The following NOX4 variants were observed in gnomAD, a reference collection of about 807,000 sequenced individuals.
The protein encoded by NOX4 is kidney oxidase-1.
Under a neutral mutation model 87.6 loss-of-function variants are expected in NOX4, and 69 were observed. The ratio of observed to expected loss-of-function variants is 0.79; its 90% CI spans 0.65 to 0.96. NOX4 has a LOEUF of 0.96. Among genes scored for constraint, NOX4 ranks in the 40% least tolerant of loss-of-function variants. The probability of loss-of-function intolerance (pLI) is 0.00; values close to 1 mark genes in which losing one functional copy is unlikely to be tolerated. For synonymous variants in NOX4, 275 were observed against 238.2 expected, an observed-to-expected ratio of 1.15 and a Z score of -1.42; for missense variants, 680 against 681.5, an observed-to-expected ratio of 1.00 and a Z score of 0.02.
chr11:89,340,860 C>G (rs1945961082), intron 14 of NOX4, among the ~76,000 whole-genome samples: 1 of 152,022 alleles, frequency 6.6e-6, no homozygotes, highest in African/African-American at 2.4e-5. Flanking sequence ...AGAGCATGAT[C>G]ATTTTTGTAA....
At chr11:89,461,715 A>C (rs763251859) in intron 2 of NOX4, among the ~76,000 whole-genome samples, 3 of 152,050 alleles carry the variant, frequency 2.0e-5, no homozygotes, top group Non-Finnish European at 4.4e-5. Context: ...GCAGCAGAAG[A>C]AAGTGGAATG....
At chr11:89,351,415 T>C (rs1946451507) in intron 13 of NOX4, among the ~76,000 whole-genome samples, 1 of 152,196 alleles carries the variant, frequency 6.6e-6, no homozygotes, top group Non-Finnish European at 1.5e-5. Flanking sequence ...CCAGAAGATC[T>C]AGCTGACATA....
At chr11:89,545,023 T>C in the NOX4 span, 1 of 152,126 alleles carries the variant, frequency 6.6e-6, no homozygotes, top group Non-Finnish European at 1.5e-5. Context: ...CAAAGTCTCA[T>C]GAACTTTTAT....
At chr11:89,454,410 A>T (rs1040015788) in intron 2 of NOX4, among the ~76,000 whole-genome samples, 1 of 152,114 alleles carries the variant, frequency 6.6e-6, no homozygotes, top group Non-Finnish European at 1.5e-5. Flanking sequence ...AATTAGGTCC[A>T]CAAGAAATCC....
chr11:89,369,413 C>T (rs772824104), intron 12 of NOX4, among the ~76,000 whole-genome samples: 17 of 152,074 alleles, frequency 1.1e-4, no homozygotes, highest in Non-Finnish European at 2.4e-4. Flanking sequence ...TGGACCAAAA[C>T]ACAATCTCTA....
upstream of NOX4, among the ~76,000 whole-genome samples, chr11:89,494,607 C>T (rs1038860159): frequency 6.6e-6 from 1 of 152,170 alleles, no homozygotes; most frequent in Non-Finnish European, 1.5e-5. Flanking sequence ...TTAAGTATAT[C>T]ATCTTTCTTT....
intron 12 of NOX4, among the ~76,000 whole-genome samples, chr11:89,371,419 G>T (rs956210609): frequency 4.6e-5 from 7 of 151,852 alleles, no homozygotes; most frequent in Admixed American, 6.6e-5. Flanking sequence ...TAATAGAGAT[G>T]ATTAAAATAG....
intron 7 of NOX4, among the ~76,000 whole-genome samples, chr11:89,423,260 A>G (rs996146261): frequency 2.0e-5 from 3 of 152,190 alleles, no homozygotes; most frequent in African/African-American, 7.2e-5. Flanking sequence ...CCAAAAACTC[A>G]GACTAAATTT....
At chr11:89,410,105 T>A (rs1330029646) in intron 8 of NOX4, among the ~76,000 whole-genome samples, 1 of 151,994 alleles carries the variant, frequency 6.6e-6, no homozygotes. Flanking sequence ...TTTTCTTTTC[T>A]TTCAGATTTT....
the NOX4 span, among the ~76,000 whole-genome samples, chr11:89,586,588 C>T: frequency 6.6e-6 from 1 of 152,166 alleles, no homozygotes; most frequent in Non-Finnish European, 1.5e-5. Context: ...AAATGGACTA[C>T]TTCTTCAAGA....
chr11:89,525,913 TTCA>T, the NOX4 span, among the ~76,000 whole-genome samples: 5 of 152,140 alleles, frequency 3.3e-5, no homozygotes, highest in Non-Finnish European at 5.9e-5. Context: ...AAGATTGATG[TTCA>T]TCTTTTTCCC....
the NOX4 span, among the ~76,000 whole-genome samples, chr11:89,569,643 T>G: frequency 6.6e-6 from 1 of 152,196 alleles, no homozygotes; most frequent in African/African-American, 2.4e-5. Context: ...TGGAGATTTC[T>G]CAAAGAACTT....
intron 15 of NOX4, among the ~76,000 whole-genome samples, chr11:89,339,646 G>T (rs778722072): frequency 2.5e-4 from 38 of 152,216 alleles, no homozygotes; most frequent in South Asian, 4.1e-4. Flanking sequence ...CTGGTGATTT[G>T]CAGTATTAAA....
chr11:89,571,476 T>C, the NOX4 span, among the ~76,000 whole-genome samples: 4 of 152,074 alleles, frequency 2.6e-5, no homozygotes, highest in Non-Finnish European at 5.9e-5. Flanking sequence ...TTTGTATTTG[T>C]AGTAGAGACG....
At chr11:89,565,515 G>A in the NOX4 span, among the ~76,000 whole-genome samples, 19 of 152,032 alleles carry the variant, frequency 1.2e-4, no homozygotes, top group Admixed American at 4.6e-4. Flanking sequence ...AGAATGTACA[G>A]TATAATTTGA....
intron 7 of NOX4, among the ~76,000 whole-genome samples, chr11:89,422,715 G>C (rs1943145674): frequency 6.6e-6 from 1 of 151,322 alleles, no homozygotes; most frequent in African/African-American, 2.4e-5. Context: ...GCAAGCAATT[G>C]CTTTACATTT....
At chr11:89,378,054 A>G (rs1939983466) in intron 11 of NOX4, among the ~76,000 whole-genome samples, 1 of 152,066 alleles carries the variant, frequency 6.6e-6, no homozygotes, top group Admixed American at 6.5e-5. Flanking sequence ...ATCACCTTTC[A>G]TTTCTTTCCA....
At chr11:89,336,114 CTTCT>C in intron 16 of NOX4, 169 bp from the exon 17 acceptor site, 1 of 421,378 alleles carries the variant, frequency 2.4e-6, no homozygotes, top group Non-Finnish European at 4.3e-6. Context: ...CATTTCCTTT[CTTCT>C]TTCTTTTAAA....
intron 12 of NOX4, among the ~76,000 whole-genome samples, chr11:89,364,227 A>G (rs1938755345): frequency 6.6e-6 from 1 of 152,038 alleles, no homozygotes; most frequent in African/African-American, 2.4e-5. Context: ...AGCCTAGGTG[A>G]CAGAGTGAGA....
Sources: allele counts gnomAD v4.1 joint callset (sites outside exome capture counted in the v4.1 genomes callset), GRCh38; gene constraint gnomAD v4.1.1; transcripts MANE v1.5; gene names NCBI Gene and HGNC (gene_info 2026-07-23, HGNC 2026-07-21).